Variants in SMN2 observed in about 807,000 individuals in gnomAD.
SMN2 encodes the protein survival of motor neuron 2, centromeric, also known as survival motor neuron protein.
In SMN2, 1 loss-of-function variant was observed where a neutral mutation model predicts 2.8. The observed-to-expected ratio is 0.35, with a 90% confidence interval of 0.13 to 1.68. SMN2 has a LOEUF of 1.68. Ranked by LOEUF, SMN2 falls within the 40% of genes most tolerant of loss-of-function variation. SMN2 has a pLI of 0.35. For missense variants in SMN2, 12 were observed against 16.9 expected (o/e 0.71, Z 0.51); for synonymous variants, 5 against 5.0 (o/e 0.99, Z 0.01).
the SMN2 span, among the ~76,000 whole-genome samples, chr5:70,083,975 G>A: frequency 9.3e-6 from 1 of 107,998 alleles, no homozygotes; most frequent in Non-Finnish European, 1.8e-5. Flanking sequence ...TAAGAAAAAT[G>A]CAAAAATTAA....
chr5:70,083,671 A>C, the SMN2 span, among the ~76,000 whole-genome samples: 11 of 133,238 alleles, frequency 8.3e-5, no homozygotes, highest in South Asian at 2.3e-4. Flanking sequence ...ATGAAATTGG[A>C]AATCATCATT....
chr5:70,079,338 A>G (rs1196432326), downstream of SMN2, among the ~76,000 whole-genome samples: 76 of 144,304 alleles, frequency 5.3e-4, no homozygotes, highest in African/African-American at 2.1e-3. Flanking sequence ...AGGCTGAGGC[A>G]GGAGAATTGC....
chr5:70,076,391 T>A, intron 7 of SMN2, 130 bp from the exon 8 acceptor site: 1 of 494,442 alleles, frequency 2.0e-6, no homozygotes. Context: ...TCTGATCATA[T>A]TTTGTTGAAT....
chr5:70,070,305 G>A (rs1179661943), intron 6 of SMN2, among the ~76,000 whole-genome samples: 4 of 30,398 alleles, frequency 1.3e-4, no homozygotes, highest in Non-Finnish European at 1.6e-4. Flanking sequence ...TTTCGTCCTC[G>A]TTAAATTTAA....
At chr5:70,083,147 A>G (rs893563031), downstream of SMN2, among the ~76,000 whole-genome samples, 17 of 75,986 alleles carry the variant, frequency 2.2e-4, 1 homozygote, top group South Asian at 4.2e-3. Context: ...CAGGTTGTTC[A>G]GTTTCCATGT....
At chr5:70,085,310 C>T in the SMN2 span, among the ~76,000 whole-genome samples, 1 of 130,552 alleles carries the variant, frequency 7.7e-6, no homozygotes, top group Non-Finnish European at 1.6e-5. Flanking sequence ...GGCATAATCT[C>T]GGCTCACTGC....
the SMN2 span, among the ~76,000 whole-genome samples, chr5:70,084,997 T>C: frequency 2.2e-5 from 3 of 138,348 alleles, 1 homozygote; most frequent in African/African-American, 9.1e-5. Flanking sequence ...TTTCTTACTA[T>C]AAACAAGTGT....
chr5:70,077,710 T>C (rs1315040847), downstream of SMN2: 10 of 116,176 alleles, frequency 8.6e-5, no homozygotes, highest in African/African-American at 3.8e-4. Flanking sequence ...CCACTTAATG[T>C]CACATTTTTC....
At chr5:70,088,477 G>A in the SMN2 span, among the ~76,000 whole-genome samples, 3 of 58,282 alleles carry the variant, frequency 5.1e-5, no homozygotes, top group African/African-American at 1.9e-4. Flanking sequence ...TTGCTCTGTC[G>A]CCCAGGCTGG....
At chr5:70,088,248 T>C in the SMN2 span, among the ~76,000 whole-genome samples, 1 of 114,482 alleles carries the variant, frequency 8.7e-6, no homozygotes, top group Non-Finnish European at 1.7e-5. Flanking sequence ...CAGTTTGAGG[T>C]ATTTCTTTAT....
chr5:70,084,704 CTT>C, the SMN2 span, among the ~76,000 whole-genome samples: 2 of 137,998 alleles, frequency 1.4e-5, 1 homozygote, highest in South Asian at 4.4e-4. Context: ...TGTTTAAGAA[CTT>C]TTAATTTTCT....
In SMN2 at chr5:70,076,561, C is replaced by T. The variant is rs1332921390; in HGVS notation, c.875C>T (p.Ser292Phe). Residue 292 changes from serine to phenylalanine, a missense_variant, in exon 8 of 9, where the codon TCC becomes TTC. Transcript: ENST00000380743. ...CAAAAAGAAGGAAGGTGCTCACATT[C>T]CTTAAATTAAGGAGTAAGTCTGCCA... ...QNQKEGRCSHSLN is the reference protein window; with the variant it reads ...QNQKEGRCSHFLN 6.8e-7 allele frequency: 1 copy of T among 1,463,218 alleles called. No homozygotes were observed. The highest frequency in any genetic ancestry group is 9.3e-7 in the Non-Finnish European group (1 of 1,077,506). 90.6% of individuals were successfully genotyped at this position (1,463,218 alleles called of 1,614,324 possible).
At chr5:70,076,419 T>C in intron 7 of SMN2, 102 bp from the exon 8 acceptor site, 3 of 595,680 alleles carry the variant, frequency 5.0e-6, no homozygotes, top group Non-Finnish European at 5.7e-6. Flanking sequence ...GTAAAATGTC[T>C]TGTGAAACAA....
chr5:70,085,244 T>C, the SMN2 span, among the ~76,000 whole-genome samples: 1 of 121,186 alleles, frequency 8.3e-6, no homozygotes, highest in Non-Finnish European at 1.6e-5. Flanking sequence ...CATCACTATT[T>C]ATTATTATAT....
chr5:70,053,218 C>T (rs2112470742), intron 1 of SMN2, among the ~76,000 whole-genome samples: 1 of 7,462 alleles, frequency 1.3e-4, no homozygotes, highest in African/African-American at 4.2e-4. Context: ...CTTGTGGAGG[C>T]CTAAGGAAAC....
chr5:70,076,539 A>G lies in SMN2; in HGVS notation c.853A>G (p.Lys285Glu). Reference sequence around the variant, plus strand: ...CTTACAGGGTTTTAGACAAAATCAAAAAGAAGGAAGGTGCTCACATTCCTT... The same window carrying G: ...CTTACAGGGTTTTAGACAAAATCAAGAAGAAGGAAGGTGCTCACATTCCTT... ...GYYMGFRQNQ[K>E]EGRCSHSLN The change falls in exon 8 of 9, where the codon AAA (lysine) becomes GAA (glutamate). Residue 285 changes from lysine (K) to glutamate (E), a missense_variant. Coordinates refer to ENST00000380743, the MANE Select transcript of SMN2 (RefSeq NM_017411.4). 1 of 1,465,058 alleles carries G rather than the reference A, an allele frequency of 6.8e-7. No individual in the cohort carries two copies. The highest frequency in any genetic ancestry group is 1.9e-5 in the Admixed American group (1 of 53,312). The allele number at this position is 1,465,058 out of a possible 1,614,324, so 90.8% of individuals were successfully genotyped here.
chr5:70,079,342 G>T (rs1774817601), downstream of SMN2, among the ~76,000 whole-genome samples: 1 of 142,974 alleles, frequency 7.0e-6, no homozygotes, highest in Non-Finnish European at 1.5e-5. Flanking sequence ...TGAGGCAGGA[G>T]AATTGCTTGA....
intron 7 of SMN2, among the ~76,000 whole-genome samples, chr5:70,071,872 A>AT (rs1477959578): frequency 1.9e-5 from 2 of 107,058 alleles, no homozygotes; most frequent in African/African-American, 7.1e-5. Flanking sequence ...AGGCACTTGT[A>AT]TTTTTAGTAA....
chr5:70,076,699 A>G, intron 8 of SMN2, 125 bp downstream of exon 8: 1 of 1,312,052 alleles, frequency 7.6e-7, no homozygotes, highest in South Asian at 1.4e-5. Flanking sequence ...AATGTAAAAC[A>G]ATCAATATTA....
Sources: gnomAD v4.1 joint callset for allele counts (sites outside exome capture counted in the v4.1 genomes callset) on GRCh38, gnomAD v4.1.1 for gene constraint, MANE v1.5 for transcripts, NCBI Gene and HGNC (gene_info 2026-07-23, HGNC 2026-07-21) for gene names.